MRPL30: variants seen among roughly 807,000 people sequenced by gnomAD.
MRPL30 encodes the protein large ribosomal subunit protein uL30m.
A neutral mutation model predicts 17.2 loss-of-function variants in MRPL30; 10 were observed. The observed-to-expected ratio is 0.58, with a 90% CI of 0.36 to 0.99. The LOEUF (loss-of-function observed/expected upper bound fraction) is 0.99. Among genes scored for constraint, MRPL30 ranks in the 50% least tolerant of loss-of-function variants. The pLI is 0.01. For synonymous variants in MRPL30, 61 were observed against 62.1 expected, an observed-to-expected ratio of 0.98 and a Z score of 0.08; for missense variants, 170 against 189.8, an observed-to-expected ratio of 0.90 and a Z score of 0.61.
chr2:99,182,526 G>T (rs562976109), intron 1 of MRPL30, among the ~76,000 whole-genome samples: 1 of 152,380 alleles, frequency 6.6e-6, no homozygotes, highest in Non-Finnish European at 1.5e-5. Flanking sequence ...CTGCACTCCA[G>T]CCTGGGCGAC....
intron 1 of MRPL30, among the ~76,000 whole-genome samples, 170 bp downstream of exon 1, chr2:99,181,419 C>G (rs1460275816): frequency 6.6e-6 from 1 of 152,182 alleles, no homozygotes; most frequent in Non-Finnish European, 1.5e-5. Flanking sequence ...AGGCCATTGG[C>G]CTGCAGGATC....
intron 3 of MRPL30, among the ~76,000 whole-genome samples, chr2:99,192,412 T>C (rs554832282): frequency 2.0e-5 from 3 of 152,302 alleles, no homozygotes; most frequent in East Asian, 3.9e-4. Context: ...TTTGTCCTAA[T>C]GGTCTCCCTT....
intron 5 of MRPL30, 37 bp from the exon 6 acceptor site, chr2:99,195,536 T>C (rs781496878): frequency 6.3e-7 from 1 of 1,579,926 alleles, no homozygotes; most frequent in Non-Finnish European, 8.6e-7. Context: ...CGCTAGAACG[T>C]ATTCCTCCTA....
chr2:99,195,041 A>G (rs530219927), intron 4 of MRPL30, 75 bp from the exon 5 acceptor site: 48 of 1,429,080 alleles, frequency 3.4e-5, no homozygotes, highest in Admixed American at 2.5e-5. Flanking sequence ...TGAACCTTCA[A>G]TTTAACATTT....
At chr2:99,187,443 C>T (rs1445374448) in intron 2 of MRPL30, among the ~76,000 whole-genome samples, 1 of 152,240 alleles carries the variant, frequency 6.6e-6, no homozygotes, top group African/African-American at 2.4e-5. Flanking sequence ...AGTTATTGCA[C>T]ATTGTCTAGA....
chr2:99,188,159 AT>A lies in MRPL30; in HGVS notation c.52-15del, dbSNP rs1442560901. The A allele has an allele frequency of 1.3e-6, 2 of 1,548,706 alleles. No individual in the cohort carries two copies. The highest frequency in any genetic ancestry group is 1.8e-6 in the Non-Finnish European group (2 of 1,142,748). The stretch of plus-strand genomic sequence containing the variant: ...CTGACAGAATTCTAAAAAACAAATG[AT>A]TTATATCATATTTTAGACTGTGACA... On this transcript the variant is annotated splice_polypyrimidine_tract_variant and intron_variant, in intron 2 of 5. Transcript: ENST00000338148.
chr2:99,195,221 T>G lies in MRPL30; in HGVS notation c.353+32T>G, dbSNP rs1212583305. The G allele has an allele frequency of 3.9e-6, 6 of 1,555,908 alleles. No homozygotes were observed. The African/African-American group carries it at 8.2e-5, about 21-fold the overall frequency. ...TGTTTCTTCTCAGCTCTTTTTAAAA[T>G]GTATTGCCTAGTGTAATTCTAAATG... is the stretch of plus-strand genomic sequence containing the variant. On this transcript the variant is annotated intron_variant, in intron 5 of 5. Transcript: ENST00000338148.
chr2:99,195,115 G>A lies in MRPL30; in HGVS notation c.280-1G>A. On this transcript the variant is annotated splice_acceptor_variant, in intron 4 of 5. Coordinates refer to ENST00000338148, the MANE Select transcript of MRPL30 (RefSeq NM_145212.4). LOFTEE classifies it high-confidence loss of function. Reference sequence around the variant, plus strand: ...CGTTGCTTTGTTGTTGTTGTTCACAGGCACATACCCCTCAAGTTCACAAGA... The same window carrying A: ...CGTTGCTTTGTTGTTGTTGTTCACAAGCACATACCCCTCAAGTTCACAAGA... 1 of 1,588,616 alleles carries A rather than the reference G, an allele frequency of 6.3e-7. No individual in the cohort carries two copies. Among genetic ancestry groups the A allele is most frequent in the Non-Finnish European group, 8.5e-7 (1 of 1,172,044 alleles).
chr2:99,189,959 CA>C lies in MRPL30; in HGVS notation c.132+1718del, dbSNP rs35594540. 8.0e-4 allele frequency among the ~76,000 whole-genome samples: 112 copies of C among 140,378 alleles called. 1 individual carries two copies. The highest frequency in any genetic ancestry group is 1.0e-3 in the East Asian group (5 of 4,874). 92.1% of individuals were successfully genotyped at this position (140,378 alleles called of 152,430 possible). A position where few individuals can be genotyped will look rare whatever the true frequency, so the allele number is the denominator to read the frequency against. ...CAACATAAGGAGACCCAGTCTCTACCAAAAAAAAAAAAAAAATTAGATGGGT... is the reference window on the plus strand; with the variant it reads ...CAACATAAGGAGACCCAGTCTCTACCAAAAAAAAAAAAAAATTAGATGGGT... On this transcript the variant is annotated intron_variant, in intron 3 of 5. Coordinates refer to ENST00000338148, the MANE Select transcript of MRPL30 (RefSeq NM_145212.4).
At chr2:99,185,821 G>A (rs1479833147) in intron 1 of MRPL30, 1 of 445,036 alleles carries the variant, frequency 2.2e-6, no homozygotes, top group Non-Finnish European at 4.5e-6. Flanking sequence ...AATTATAGGA[G>A]TTGGAATTTC....
chr2:99,185,520 A>G (rs2093932516), intron 1 of MRPL30, among the ~76,000 whole-genome samples: 2 of 152,328 alleles, frequency 1.3e-5, no homozygotes, highest in Middle Eastern at 3.4e-3. Context: ...ATAAGTCAGT[A>G]TAGTAGGCTA....
intron 3 of MRPL30, among the ~76,000 whole-genome samples, chr2:99,192,726 T>C (rs972856972): frequency 5.9e-5 from 9 of 152,240 alleles, no homozygotes; most frequent in African/African-American, 2.2e-4. Flanking sequence ...AGTAGAATGA[T>C]TTATATTCCT....
chr2:99,195,529 T>A, intron 5 of MRPL30, 44 bp from the exon 6 acceptor site: 1 of 1,572,140 alleles, frequency 6.4e-7, no homozygotes, highest in Non-Finnish European at 8.6e-7. Flanking sequence ...TATAGAACGC[T>A]AGAACGTATT....
Position 99,195,053 on chromosome 2 carries a change from A to T in MRPL30, c.280-63A>T. 2.1e-6 allele frequency: 3 copies of T among 1,450,752 alleles called. No individual in the cohort carries two copies. In the Admixed American group the frequency reaches 7.2e-5, roughly 35 times the overall value. The allele number at this position is 1,450,752 out of a possible 1,614,324, so 89.9% of individuals were successfully genotyped here. A position where few individuals can be genotyped will look rare whatever the true frequency, so the allele number is the denominator to read the frequency against. ...GAATGAACCTTCAATTTAACATTTTACTGAAACATGGAACTATCTGCTTTT... is the reference window on the plus strand; with the variant it reads ...GAATGAACCTTCAATTTAACATTTTTCTGAAACATGGAACTATCTGCTTTT... On this transcript the variant is annotated intron_variant, in intron 4 of 5. Coordinates refer to ENST00000338148, the MANE Select transcript of MRPL30 (RefSeq NM_145212.4).
rs1320188520 is a variant in MRPL30 at position 99,186,115 on chromosome 2, G to A, written c.-27-62G>A. 14 of 1,146,564 alleles carry A rather than the reference G, an allele frequency of 1.2e-5. No homozygotes were observed. The East Asian group carries it at 3.1e-4, about 25-fold the overall frequency. The allele number at this position is 1,146,564 out of a possible 1,614,324, so 71.0% of individuals were successfully genotyped here. On this transcript the variant is annotated intron_variant, in intron 1 of 5. Transcript: ENST00000338148. ...TGCTTAGTTTTTTAATACTAGAGAA[G>A]GGGAAACCTGTTCATTTCCAAGACA...
At chr2:99,186,089 C>T in intron 1 of MRPL30, 88 bp from the exon 2 acceptor site, 1 of 772,544 alleles carries the variant, frequency 1.3e-6, no homozygotes, top group East Asian at 2.6e-5. Context: ...AATTAATTTG[C>T]TGCTTAGTTT....
chr2:99,182,976 G>A (rs1324264876), intron 1 of MRPL30, among the ~76,000 whole-genome samples: 1 of 152,204 alleles, frequency 6.6e-6, no homozygotes, highest in Non-Finnish European at 1.5e-5. Flanking sequence ...AAGAGGAATT[G>A]GGAGTGTTGA....
chr2:99,186,270 C>T lies in MRPL30; in HGVS notation c.51+16C>T. ...CAGACTACAGGTAAGTGTTTCTTTTCAAGAATTTGTCTTTTCTACCCCTTA... is the reference window on the plus strand; with the variant it reads ...CAGACTACAGGTAAGTGTTTCTTTTTAAGAATTTGTCTTTTCTACCCCTTA... On this transcript the variant is annotated intron_variant, in intron 2 of 5. Coordinates refer to ENST00000338148, the MANE Select transcript of MRPL30 (RefSeq NM_145212.4). 1 of 1,612,288 alleles carries T rather than the reference C, an allele frequency of 6.2e-7. No homozygotes were observed. The highest frequency in any genetic ancestry group is 8.5e-7 in the Non-Finnish European group (1 of 1,178,740).
At chr2:99,192,718 T>C (rs1340394700) in intron 3 of MRPL30, among the ~76,000 whole-genome samples, 1 of 152,188 alleles carries the variant, frequency 6.6e-6, no homozygotes, top group Non-Finnish European at 1.5e-5. Flanking sequence ...GTCTTTATAG[T>C]AGAATGATTT....
Sources: allele counts gnomAD v4.1 joint callset (sites outside exome capture counted in the v4.1 genomes callset), GRCh38; gene constraint gnomAD v4.1.1; transcripts MANE v1.5; gene names NCBI Gene and HGNC (gene_info 2026-07-23, HGNC 2026-07-21).